Variants in PLCB1 observed in about 807,000 individuals in gnomAD.
The protein encoded by PLCB1 is phospholipase C beta 1.
PLCB1 carries 46 observed loss-of-function variants against 161.8 expected under a neutral mutation model. The ratio of observed to expected loss-of-function variants is 0.28; its 90% CI spans 0.22 to 0.36. The LOEUF (loss-of-function observed/expected upper bound fraction) is 0.36, where lower values mean the gene tolerates loss of function less well. Ranked by LOEUF, PLCB1 falls within the 10% of genes least tolerant of loss-of-function variation. The pLI is 1.00. For synonymous variants in PLCB1, 517 were observed against 503.7 expected (o/e 1.03, Z -0.35); for missense variants, 1,016 against 1,472.5 (o/e 0.69, Z 5.07).
At chr20:8,148,846 A>G (rs996807859) in intron 1 of PLCB1, among the ~76,000 whole-genome samples, 3 of 152,224 alleles carry the variant, frequency 2.0e-5, no homozygotes, top group Non-Finnish European at 2.9e-5. Context: ...GAATACTCCA[A>G]TTATTTAATT....
At chr20:8,560,983 C>G (rs927640538) in intron 3 of PLCB1, among the ~76,000 whole-genome samples, 2 of 151,872 alleles carry the variant, frequency 1.3e-5, no homozygotes, top group African/African-American at 4.8e-5. Flanking sequence ...ACTGGAAGGA[C>G]CTTCCTAGTC....
chr20:8,753,659 C>G (rs912304508), intron 23 of PLCB1, among the ~76,000 whole-genome samples: 1 of 152,120 alleles, frequency 6.6e-6, no homozygotes, highest in South Asian at 2.1e-4. Context: ...AAACTCTGCT[C>G]CTCCTGGCAG....
intron 3 of PLCB1, among the ~76,000 whole-genome samples, chr20:8,463,077 A>G (rs546992369): frequency 6.6e-6 from 1 of 151,698 alleles, no homozygotes; most frequent in South Asian, 2.1e-4. Flanking sequence ...TTTCAGATTC[A>G]TGCCCATTCA....
chr20:8,698,360 T>G (rs372958461), intron 11 of PLCB1, among the ~76,000 whole-genome samples: 28 of 152,326 alleles, frequency 1.8e-4, no homozygotes, highest in African/African-American at 6.7e-4. Context: ...ACTTGTAAAT[T>G]GATTCACACT....
chr20:8,872,930 C>G (rs1987657887), intron 31 of PLCB1, among the ~76,000 whole-genome samples: 1 of 152,130 alleles, frequency 6.6e-6, no homozygotes, highest in South Asian at 2.1e-4. Flanking sequence ...ACTGTGAGTT[C>G]CTTTGTTATT....
intron 9 of PLCB1, among the ~76,000 whole-genome samples, chr20:8,671,656 G>A (rs907753414): frequency 6.6e-6 from 1 of 152,266 alleles, no homozygotes; most frequent in African/African-American, 2.4e-5. Flanking sequence ...ACTCTGCCTT[G>A]GTCACATTTA....
intron 3 of PLCB1, among the ~76,000 whole-genome samples, chr20:8,504,561 T>A (rs535092980): frequency 6.6e-6 from 1 of 152,244 alleles, no homozygotes; most frequent in East Asian, 1.9e-4. Context: ...TATAGGTGAG[T>A]ATGCTTTAAC....
intron 3 of PLCB1, among the ~76,000 whole-genome samples, chr20:8,584,946 C>G (rs1215212098): frequency 2.6e-5 from 4 of 152,186 alleles, no homozygotes; most frequent in Non-Finnish European, 5.9e-5. Flanking sequence ...GCCTCAGCCT[C>G]CAAAAGTGCT....
intron 2 of PLCB1, among the ~76,000 whole-genome samples, chr20:8,224,754 G>A (rs981320236): frequency 5.3e-5 from 8 of 151,766 alleles, no homozygotes; most frequent in East Asian, 3.9e-4. Flanking sequence ...CCATCCCCCC[G>A]CCCACCACGC....
At chr20:8,661,970 T>A (rs1568550836) in intron 9 of PLCB1, among the ~76,000 whole-genome samples, 1 of 125,986 alleles carries the variant, frequency 7.9e-6, no homozygotes, top group Non-Finnish European at 1.6e-5. Flanking sequence ...TAATTATTTA[T>A]TATATAATTA....
chr20:8,486,216 G>A (rs978195530), intron 3 of PLCB1, among the ~76,000 whole-genome samples: 3 of 152,154 alleles, frequency 2.0e-5, no homozygotes, highest in African/African-American at 4.8e-5. Flanking sequence ...GATTTGGGTG[G>A]GGACATAGCC....
intron 3 of PLCB1, among the ~76,000 whole-genome samples, chr20:8,542,038 A>T (rs1290400900): frequency 2.0e-5 from 3 of 152,230 alleles, no homozygotes; most frequent in African/African-American, 7.2e-5. Flanking sequence ...GGGTTCTAAG[A>T]TGCTACATGA....
At chr20:8,288,948 T>C (rs1983256629) in intron 2 of PLCB1, among the ~76,000 whole-genome samples, 1 of 152,146 alleles carries the variant, frequency 6.6e-6, no homozygotes. Flanking sequence ...CAGTGTTGTA[T>C]CATCAGTTTC....
intron 2 of PLCB1, among the ~76,000 whole-genome samples, chr20:8,323,306 G>A (rs1404924862): frequency 1.3e-5 from 2 of 152,104 alleles, no homozygotes; most frequent in African/African-American, 4.8e-5. Context: ...CAAACTTAGT[G>A]GTATAAAACA....
At chr20:8,677,379 T>G (rs374621530) in intron 9 of PLCB1, among the ~76,000 whole-genome samples, 9 of 152,288 alleles carry the variant, frequency 5.9e-5, no homozygotes, top group African/African-American at 2.2e-4. Context: ...CACTCCAGCC[T>G]GGGCAACAAG....
intron 3 of PLCB1, among the ~76,000 whole-genome samples, chr20:8,413,166 A>G (rs2122518132): frequency 6.6e-6 from 1 of 152,280 alleles, no homozygotes; most frequent in African/African-American, 2.4e-5. Context: ...ATATACATTT[A>G]TGGATTTGAT....
At chr20:8,212,465 C>T (rs1234769041) in intron 2 of PLCB1, among the ~76,000 whole-genome samples, 2 of 152,114 alleles carry the variant, frequency 1.3e-5, no homozygotes, top group East Asian at 3.9e-4. Flanking sequence ...AGGAGACTTC[C>T]TCTTTCTGCT....
intron 3 of PLCB1, among the ~76,000 whole-genome samples, chr20:8,446,185 C>T (rs1568679745): frequency 6.6e-6 from 1 of 152,174 alleles, no homozygotes; most frequent in African/African-American, 2.4e-5. Context: ...CCGAATCCAG[C>T]AGCACATCAA....
intron 2 of PLCB1, among the ~76,000 whole-genome samples, chr20:8,348,393 CT>C (rs1986065825): frequency 6.6e-6 from 1 of 152,176 alleles, no homozygotes; most frequent in African/African-American, 2.4e-5. Flanking sequence ...TGCCTCTGAG[CT>C]AAATTCTGGC....
Sources: allele counts gnomAD v4.1 joint callset (sites outside exome capture counted in the v4.1 genomes callset), GRCh38; gene constraint gnomAD v4.1.1; transcripts MANE v1.5; gene names NCBI Gene and HGNC (gene_info 2026-07-23, HGNC 2026-07-21).